Variants in PHF14 observed in about 807,000 individuals in gnomAD.
PHF14 encodes PHD finger protein 14.
A neutral mutation model predicts 117.9 loss-of-function variants in PHF14; 55 were observed. The ratio of observed to expected loss-of-function variants is 0.47; its 90% confidence interval spans 0.38 to 0.58. The LOEUF (loss-of-function observed/expected upper bound fraction) is 0.58. PHF14 is among the 20% of genes least tolerant of loss of function. The probability of loss-of-function intolerance (pLI) is 0.00; values close to 1 mark genes in which losing one functional copy is unlikely to be tolerated. For synonymous variants in PHF14, 409 were observed against 368.6 expected (o/e 1.11, Z -1.26); for missense variants, 978 against 1,122.2 (o/e 0.87, Z 1.84).
At chr7:11,164,579 G>A (rs1789145715) in intron 17 of PHF14, among the ~76,000 whole-genome samples, 1 of 152,034 alleles carries the variant, frequency 6.6e-6, no homozygotes, top group South Asian at 2.1e-4. Context: ...TTTGAATTTA[G>A]GAAACTTTCA....
At chr7:11,053,534 T>G (rs1168396037) in intron 14 of PHF14, among the ~76,000 whole-genome samples, 2 of 152,056 alleles carry the variant, frequency 1.3e-5, no homozygotes, top group African/African-American at 4.8e-5. Context: ...AACTAGTTAT[T>G]CTTAAGATCT....
chr7:11,022,029 A>G (rs1783753346), intron 5 of PHF14, among the ~76,000 whole-genome samples: 2 of 152,188 alleles, frequency 1.3e-5, no homozygotes, highest in South Asian at 2.1e-4. Context: ...TACTGTTTAA[A>G]TTTCAAAGTC....
In PHF14 at chr7:10,974,077, C is replaced by G; in HGVS notation, c.-247C>G. The G allele has an allele frequency of 2.1e-6, 1 of 481,286 alleles. No individual in the cohort carries two copies. Among genetic ancestry groups the G allele is most frequent in the African/African-American group, 2.0e-5 (1 of 50,326 alleles). The allele number at this position is 481,286 out of a possible 1,614,324, so 29.8% of individuals were successfully genotyped here. A position where few individuals can be genotyped will look rare whatever the true frequency, so the allele number is the denominator to read the frequency against. On this transcript the variant is annotated 5_prime_UTR_variant, in exon 1 of 18. Transcript: ENST00000634607. ...TGACTGCGCTGCCTGGGCCGGAGGT[C>G]TTCTCCGGCCAGGGAGCGCTGTGGG...
Position 11,008,831 on chromosome 7 carries a change from C to G in PHF14, c.1046-4916C>G, listed in dbSNP as rs577373165. ...TGGGTGGATCACGAGGTCAGGAGAT[C>G]GAGACCATCCTGACTAACATGGTGA... On this transcript the variant is annotated intron_variant, in intron 4 of 17. Coordinates refer to ENST00000634607, the MANE Select transcript of PHF14 (RefSeq NM_001007157.2). 1.0e-3 allele frequency among the ~76,000 whole-genome samples: 157 copies of G among 151,910 alleles called. 1 individual carries two copies. Among genetic ancestry groups the G allele is most frequent in the African/African-American group, 3.7e-3 (153 of 41,414 alleles).
rs114144536 is a variant in PHF14, at chr7:11,098,510, A to G, written c.2655-12840A>G. Among the ~76,000 whole-genome samples the G allele has an allele frequency of 4.0e-3, 601 of 152,112 alleles. 5 individuals are homozygous for G. The highest frequency in any genetic ancestry group is 0.014 in the African/African-American group (578 of 41,474). ...GTGTATAATTGGGTTCTACAGCTCTACTATGTCTCACTTCCCCCAACCTTC... is the reference window on the plus strand; with the variant it reads ...GTGTATAATTGGGTTCTACAGCTCTGCTATGTCTCACTTCCCCCAACCTTC... On this transcript the variant is annotated intron_variant, in intron 16 of 17. Transcript: ENST00000634607.
intron 7 of PHF14, among the ~76,000 whole-genome samples, chr7:11,029,114 TA>T (rs149877086): frequency 2.1e-4 from 32 of 151,272 alleles, no homozygotes; most frequent in African/African-American, 7.0e-4. Context: ...GAATTATAGT[TA>T]AAAAAAAATA....
At position 11,020,700 on chromosome 7, in the gene PHF14, T is replaced by C. The variant is rs536829540; in HGVS notation, c.1206-2168T>C. The stretch of plus-strand genomic sequence containing the variant: ...GACCACTTCTTTCTTTTTTTTTCTT[T>C]AAAATTCTAGATTTAGTAAGTCTTA... On this transcript the variant is annotated intron_variant, in intron 5 of 17. Transcript: ENST00000634607. Among the ~76,000 whole-genome samples, 68 of 152,266 alleles carry C rather than the reference T, an allele frequency of 4.5e-4. 1 individual carries two copies. The South Asian group carries it at 5.0e-3, about 11-fold the overall frequency.
intron 17 of PHF14, among the ~76,000 whole-genome samples, chr7:11,128,301 A>G (rs1229684074): frequency 1.3e-5 from 2 of 151,946 alleles, no homozygotes; most frequent in East Asian, 1.9e-4. Context: ...TTTCAAGATG[A>G]TCTTGTCTCT....
At chr7:11,154,423 A>G (rs532657972) in intron 17 of PHF14, among the ~76,000 whole-genome samples, 1 of 152,292 alleles carries the variant, frequency 6.6e-6, no homozygotes, top group African/African-American at 2.4e-5. Context: ...AATGCTTTGT[A>G]TTTGTAAGAA....
At chr7:11,076,020 T>G (rs1285003580) in intron 16 of PHF14, among the ~76,000 whole-genome samples, 4 of 152,152 alleles carry the variant, frequency 2.6e-5, no homozygotes, top group Admixed American at 6.5e-5. Flanking sequence ...GCGCCTGTAG[T>G]TCCAGCTACT....
intron 10 of PHF14, among the ~76,000 whole-genome samples, chr7:11,037,488 T>C (rs1324684428): frequency 1.3e-5 from 2 of 152,220 alleles, no homozygotes; most frequent in Non-Finnish European, 2.9e-5. Flanking sequence ...TGTTCTCTAT[T>C]TCTAATCAAT....
At chr7:11,078,723 A>G (rs1020695377) in intron 16 of PHF14, among the ~76,000 whole-genome samples, 2 of 152,028 alleles carry the variant, frequency 1.3e-5, no homozygotes. Context: ...TTATTTATAT[A>G]TTTTTTAGAC....
intron 4 of PHF14, among the ~76,000 whole-genome samples, chr7:11,004,616 C>T (rs777840581): frequency 6.6e-6 from 1 of 151,412 alleles, no homozygotes; most frequent in South Asian, 2.1e-4. Context: ...TTTATAATGT[C>T]ATATTGAATA....
At chr7:11,120,357 A>G (rs1334701368) in intron 17 of PHF14, among the ~76,000 whole-genome samples, 2 of 152,014 alleles carry the variant, frequency 1.3e-5, no homozygotes, top group Admixed American at 6.6e-5. Context: ...ACAGAGAGAA[A>G]AGTTCAAAAT....
intron 5 of PHF14, among the ~76,000 whole-genome samples, chr7:11,016,127 T>A (rs1355227834): frequency 6.6e-6 from 1 of 152,120 alleles, no homozygotes. Flanking sequence ...GGACGTTACA[T>A]AAGTAGACAC....
intron 17 of PHF14, among the ~76,000 whole-genome samples, chr7:11,161,545 A>G (rs985755192): frequency 6.6e-6 from 1 of 151,736 alleles, no homozygotes; most frequent in Non-Finnish European, 1.5e-5. Context: ...AAATCTGACT[A>G]TGGAACTGTA....
At chr7:11,075,948 G>A (rs969658303) in intron 16 of PHF14, among the ~76,000 whole-genome samples, 14 of 151,958 alleles carry the variant, frequency 9.2e-5, no homozygotes, top group Non-Finnish European at 1.9e-4. Context: ...TGGCTAATAC[G>A]ATGAAACCCC....
At chr7:11,164,024 A>G (rs111697974) in intron 17 of PHF14, among the ~76,000 whole-genome samples, 2,291 of 152,288 alleles carry the variant, frequency 0.015, 63 homozygotes, top group African/African-American at 0.053. Flanking sequence ...AATTCTGACT[A>G]TTAATTTGGA....
At chr7:11,022,357 T>G (rs867555265) in intron 5 of PHF14, among the ~76,000 whole-genome samples, 1 of 152,156 alleles carries the variant, frequency 6.6e-6, no homozygotes, top group Non-Finnish European at 1.5e-5. Flanking sequence ...ATACAAAAAT[T>G]GTAAAATATG....
Sources: gnomAD v4.1 joint callset for allele counts (sites outside exome capture counted in the v4.1 genomes callset) on GRCh38, gnomAD v4.1.1 for gene constraint, MANE v1.5 for transcripts, NCBI Gene and HGNC (gene_info 2026-07-23, HGNC 2026-07-21) for gene names.